POLE: variants seen among roughly 807,000 people sequenced by gnomAD.
POLE encodes the protein DNA polymerase epsilon catalytic subunit A.
Under a neutral mutation model 279.2 loss-of-function variants are expected in POLE, and 188 were observed. The ratio of observed to expected loss-of-function variants is 0.67; its 90% CI spans 0.60 to 0.76. POLE has a LOEUF of 0.76. POLE is among the 30% of genes least tolerant of loss of function. The probability of loss-of-function intolerance (pLI) is 0.00; values close to 1 mark genes in which losing one functional copy is unlikely to be tolerated. For synonymous variants in POLE, 1,214 were observed against 1,172.5 expected (o/e 1.04, Z -0.72); for missense variants, 2,703 against 3,016.7 (o/e 0.90, Z 2.44).
chr12:132,681,306 T>G (rs370693443), intron 1 of POLE, 27 bp from the exon 2 acceptor site: 2 of 1,604,894 alleles, frequency 1.2e-6, no homozygotes, highest in African/African-American at 2.7e-5. Flanking sequence ...AACCCCGTGC[T>G]TAATTTGTAA....
chr12:132,660,990 C>T lies in POLE; in HGVS notation c.3039G>A (p.Trp1013Ter), dbSNP rs1593775821. The stretch of plus-strand genomic sequence containing the variant: ...TTACCTTGCTGTACAGCACGTCCAG[C>T]CAGTAGTCAGCCACCTTGGCTACAG... ...YGSVAKVADYWLDVLYSKAAN... is the reference protein window; with the variant it reads ...YGSVAKVADY Residue 1013 changes from tryptophan (W) to a stop codon, truncating the protein, a stop_gained, in exon 25 of 49, where the codon TGG becomes TGA. Transcript: ENST00000320574. LOFTEE classifies it high-confidence loss of function. The T allele has an allele frequency of 6.2e-7, 1 of 1,612,620 alleles. No homozygotes were observed. Among genetic ancestry groups the T allele is most frequent in the South Asian group, 1.1e-5 (1 of 90,852 alleles).
At chr12:132,653,313 T>C (rs369150673) in intron 29 of POLE, among the ~76,000 whole-genome samples, 1 of 152,174 alleles carries the variant, frequency 6.6e-6, no homozygotes, top group East Asian at 1.9e-4. Flanking sequence ...AGTTCTAGGC[T>C]GTAGGGAGCC....
In POLE at chr12:132,643,311, G is replaced by A. The variant is rs1555222919; in HGVS notation, c.4464C>T (p.Tyr1488=). 1 of 1,614,050 alleles carries A rather than the reference G, an allele frequency of 6.2e-7. No individual in the cohort carries two copies. The highest frequency in any genetic ancestry group is 8.5e-7 in the Non-Finnish European group (1 of 1,180,036). ...YLEPGSIRHI[Y]LYHHAQAHKA... ...TGTGGGCCTGTGCGTGGTGGTACAG[G>A]TAGATATGGCGGATACTCCCTGGAG... Residue 1488 remains tyrosine (Y), a synonymous_variant, in exon 35 of 49, where the codon TAC becomes TAT. Transcript: ENST00000320574.
intron 45 of POLE, 21 bp downstream of exon 45, chr12:132,632,294 C>A: frequency 6.3e-7 from 1 of 1,597,736 alleles, no homozygotes; most frequent in Non-Finnish European, 8.6e-7. Flanking sequence ...CCTCTCCTCA[C>A]ACGCACGCTG....
At chr12:132,632,560 G>A (rs1451531633) in intron 44 of POLE, 52 bp from the exon 45 acceptor site, 2 of 1,606,262 alleles carry the variant, frequency 1.2e-6, no homozygotes, top group Admixed American at 1.7e-5. Flanking sequence ...CTGGCACTGG[G>A]GACCTCCCAC....
intron 1 of POLE, among the ~76,000 whole-genome samples, chr12:132,682,822 G>C (rs1257951185): frequency 6.6e-6 from 1 of 151,830 alleles, no homozygotes; most frequent in South Asian, 2.1e-4. Flanking sequence ...GCGTGGTGGC[G>C]GGCGCCTGTA....
At chr12:132,670,556 T>A (rs2042902833) in intron 16 of POLE, among the ~76,000 whole-genome samples, 1 of 150,210 alleles carries the variant, frequency 6.7e-6, no homozygotes, top group Non-Finnish European at 1.5e-5. Context: ...AGTGGAGCGA[T>A]CTCGGCTCAC....
intron 23 of POLE, among the ~76,000 whole-genome samples, chr12:132,662,625 G>C (rs956607684): frequency 6.6e-6 from 1 of 152,144 alleles, no homozygotes; most frequent in Admixed American, 6.5e-5. Flanking sequence ...ACCCCATCTC[G>C]GGTTTTTACA....
At chr12:132,685,679 G>A (rs1443930810) in intron 1 of POLE, among the ~76,000 whole-genome samples, 3 of 152,220 alleles carry the variant, frequency 2.0e-5, no homozygotes, top group Non-Finnish European at 4.4e-5. Flanking sequence ...AGGGCAGTCA[G>A]TAACCGTCTC....
In POLE at chr12:132,649,410, C is replaced by T. The variant is rs112098447; in HGVS notation, c.3901G>A (p.Val1301Met). ...TCCCGGATGGCCCCGGGCCTGAGCA[C>T]ACCCTCTGCCGACTCCAGACGCTGC... ...KRQRLESAEGVLRPGAIRDGP... is the reference protein window; with the variant it reads ...KRQRLESAEGMLRPGAIRDGP... Residue 1301 changes from valine (V) to methionine (M), a missense_variant, in exon 31 of 49, where the codon GTG becomes ATG. Physicochemically the swap from Val to Met is conservative, Grantham distance 21 (BLOSUM62 1). This residue lies in a region of POLE where 1,551 missense variants were observed against 1,686.1 expected (regional missense o/e 0.92). Coordinates refer to ENST00000320574, the MANE Select transcript of POLE (RefSeq NM_006231.4). The T allele has an allele frequency of 3.7e-6, 6 of 1,613,112 alleles. No individual in the cohort carries two copies. In the African/African-American group the frequency reaches 4.0e-5, roughly 11 times the overall value.
chr12:132,642,278 C>A lies in POLE; in HGVS notation c.5072G>T (p.Arg1691Leu), dbSNP rs1235110857. 1 of 1,609,856 alleles carries A rather than the reference C, an allele frequency of 6.2e-7. No homozygotes were observed. The highest frequency in any genetic ancestry group is 1.1e-5 in the South Asian group (1 of 90,388). Residue 1691 changes from arginine (R) to leucine (L), a missense_variant, in exon 38 of 49, where the codon CGC becomes CTC. Coordinates refer to ENST00000320574, the MANE Select transcript of POLE (RefSeq NM_006231.4). ...AGCCTCCTTTCCACCCAGGTCAGGG[C>A]GGGCTGTAGGGGACAGCCAGAGCAG... ...NHLLWLSPTA[R>L]PDLGGKEADD...
chr12:132,680,831 A>G (rs1479630233), intron 2 of POLE, 144 bp from the exon 3 acceptor site: 2 of 678,966 alleles, frequency 2.9e-6, no homozygotes, highest in African/African-American at 3.6e-5. Flanking sequence ...TAACACTACC[A>G]GCCTTATTCA....
In POLE at chr12:132,634,458, T is replaced by G; in HGVS notation, c.5812-80A>C. 2 of 1,413,294 alleles carry G rather than the reference T, an allele frequency of 1.4e-6. No homozygotes were observed. Among genetic ancestry groups the G allele is most frequent in the Non-Finnish European group, 2.0e-6 (2 of 1,022,012 alleles). 87.5% of individuals were successfully genotyped at this position (1,413,294 alleles called of 1,614,324 possible). The stretch of plus-strand genomic sequence containing the variant: ...GGTAGGATGCCACAGCGAAGGCTCC[T>G]CCAACCTGGGTCCATCTGCCCCGTT... On this transcript the variant is annotated intron_variant, in intron 42 of 48. Coordinates refer to ENST00000320574, the MANE Select transcript of POLE (RefSeq NM_006231.4). The surrounding 1 kb of genome is among the most constrained non-coding windows in gnomAD (Gnocchi z 4.0).
intron 29 of POLE, among the ~76,000 whole-genome samples, chr12:132,652,314 CTTTT>C (rs11449205): frequency 1.8e-5 from 2 of 111,180 alleles, no homozygotes; most frequent in South Asian, 3.3e-4. Flanking sequence ...TTGTAGTTTC[CTTTT>C]TTTTTTTTTT....
chr12:132,687,328 T>C lies in POLE; in HGVS notation c.-13A>G. 6.7e-7 allele frequency: 1 copy of C among 1,496,854 alleles called. No individual in the cohort carries two copies. Among genetic ancestry groups the C allele is most frequent in the Non-Finnish European group, 8.9e-7 (1 of 1,121,960 alleles). The allele number at this position is 1,496,854 out of a possible 1,614,324, so 92.7% of individuals were successfully genotyped here. Reference sequence around the variant, plus strand: ...TCCTCAGAGACATGGAGCCGTTGGCTACCACCTCTGCTTCAGGGGAGAAAT... The same window carrying C: ...TCCTCAGAGACATGGAGCCGTTGGCCACCACCTCTGCTTCAGGGGAGAAAT... On this transcript the variant is annotated 5_prime_UTR_variant, in exon 1 of 49. Coordinates refer to ENST00000320574, the MANE Select transcript of POLE (RefSeq NM_006231.4).
chr12:132,637,663 A>T (rs536158195), intron 41 of POLE, among the ~76,000 whole-genome samples: 21 of 152,384 alleles, frequency 1.4e-4, no homozygotes, highest in African/African-American at 4.3e-4. Flanking sequence ...GAAAAGGCTT[A>T]CAACGTCAAC....
At position 132,634,295 on chromosome 12, in the gene POLE, T is replaced by C. The variant is rs2138474602; in HGVS notation, c.5895A>G (p.Glu1965=). 3 of 1,614,216 alleles carry C rather than the reference T, an allele frequency of 1.9e-6. No individual in the cohort carries two copies. The highest frequency in any genetic ancestry group is 2.5e-6 in the Non-Finnish European group (3 of 1,180,014). Residue 1965 remains glutamate, a synonymous_variant, in exon 43 of 49, where the codon GAA becomes GAG. Coordinates refer to ENST00000320574, the MANE Select transcript of POLE (RefSeq NM_006231.4). This position sits in a 1 kb window ranked among gnomAD's most constrained non-coding sequence, Gnocchi z 4.0. ...CCTCCACGTTGGATTCCTCCGCCTCTTCCTCCTCCTCCCCATCTCTTTCCT... is the reference window on the plus strand; with the variant it reads ...CCTCCACGTTGGATTCCTCCGCCTCCTCCTCCTCCTCCCCATCTCTTTCCT... ...DEEERDGEEE[E]EAEESNVEDL... is the part of the protein sequence containing the mutation.
At chr12:132,658,609 C>G (rs2042603137) in intron 26 of POLE, 2 of 153,264 alleles carry the variant, frequency 1.3e-5, no homozygotes, top group South Asian at 4.1e-4. Flanking sequence ...AAGCAACTGG[C>G]AACCGTCAGT....
chr12:132,630,161 GA>G (rs1475968809), intron 45 of POLE, among the ~76,000 whole-genome samples: 1 of 152,186 alleles, frequency 6.6e-6, no homozygotes, highest in Non-Finnish European at 1.5e-5. Context: ...AATAATAGTG[GA>G]AAAGTCTGAA....
Sources: gnomAD v4.1 joint callset for allele counts (sites outside exome capture counted in the v4.1 genomes callset) on GRCh38, gnomAD v4.1.1 for gene constraint, gnomAD v4.1.1 regional missense constraint, Gnocchi (gnomAD v3.1) non-coding constraint, MANE v1.5 for transcripts, NCBI Gene and HGNC (gene_info 2026-07-23, HGNC 2026-07-21) for gene names.